Variants in VPS13A observed in about 807,000 individuals in gnomAD.
The protein encoded by VPS13A is intermembrane lipid transfer protein VPS13A.
Under a neutral mutation model 390.9 loss-of-function variants are expected in VPS13A, and 264 were observed. The ratio of observed to expected loss-of-function variants is 0.68; its 90% CI spans 0.61 to 0.75. The LOEUF (loss-of-function observed/expected upper bound fraction) is 0.75. VPS13A is among the 30% of genes least tolerant of loss of function. VPS13A has a pLI of 0.00. For synonymous variants in VPS13A, 1,231 were observed against 1,227.1 expected (o/e 1.00, Z -0.07); for missense variants, 3,409 against 3,733.9 (o/e 0.91, Z 2.27).
intron 67 of VPS13A, among the ~76,000 whole-genome samples, chr9:77,379,459 C>A (rs1204237592): frequency 6.6e-6 from 1 of 151,946 alleles, no homozygotes; most frequent in Non-Finnish European, 1.5e-5. Flanking sequence ...AGGCTGATCT[C>A]GAACTTCCGA....
At chr9:77,294,454 T>A (rs553609054) in intron 32 of VPS13A, among the ~76,000 whole-genome samples, 1 of 152,202 alleles carries the variant, frequency 6.6e-6, no homozygotes, top group East Asian at 1.9e-4. Context: ...TCTCAGTGTT[T>A]TAGTGTATGA....
At chr9:77,344,634 C>T (rs905354998) in intron 51 of VPS13A, among the ~76,000 whole-genome samples, 7 of 152,000 alleles carry the variant, frequency 4.6e-5, no homozygotes, top group Non-Finnish European at 1.0e-4. Context: ...TGGCGGGTGC[C>T]TGTAGTCCCA....
At chr9:77,310,267 C>T (rs1278409423) in intron 35 of VPS13A, among the ~76,000 whole-genome samples, 2 of 151,750 alleles carry the variant, frequency 1.3e-5, no homozygotes, top group Non-Finnish European at 2.9e-5. Flanking sequence ...TCCAAATTAT[C>T]TATGTGAATA....
chr9:77,302,938 A>T lies in VPS13A; in HGVS notation c.3836A>T (p.Tyr1279Phe). Residue 1279 changes from tyrosine (Y) to phenylalanine (F), a missense_variant, in exon 34 of 72, where the codon TAC (tyrosine) becomes TTC (phenylalanine). Physicochemically the swap from Tyr to Phe is conservative, Grantham distance 22. Transcript: ENST00000360280. ...AGATCTCGATTTATTAATGATGCAT[A>T]CCAGGAAGTACTGGATCTACTCCTG... ...LYRSRFINDA[Y>F]QEVLDLLLPL... 1 of 1,613,834 alleles carries T rather than the reference A, an allele frequency of 6.2e-7. No homozygotes were observed. Among genetic ancestry groups the T allele is most frequent in the Non-Finnish European group, 8.5e-7 (1 of 1,179,764 alleles).
chr9:77,357,892 AAACC>A (rs765452976), intron 56 of VPS13A, 54 bp downstream of exon 56: 389 of 1,523,938 alleles, frequency 2.6e-4, no homozygotes, highest in Admixed American at 4.5e-4. Context: ...ATGCAATAAG[AAACC>A]AGATCTATTC....
intron 13 of VPS13A, among the ~76,000 whole-genome samples, chr9:77,224,103 C>T (rs182845613): frequency 1.2e-3 from 185 of 152,178 alleles, no homozygotes; most frequent in Non-Finnish European, 6.8e-4. Flanking sequence ...CATTTTAAAC[C>T]CAAGCTCAGA....
At chr9:77,239,446 T>G (rs1824341857) in intron 19 of VPS13A, among the ~76,000 whole-genome samples, 1 of 151,672 alleles carries the variant, frequency 6.6e-6, no homozygotes. Context: ...CATGCAGGAG[T>G]AAATTATTTT....
intron 68 of VPS13A, among the ~76,000 whole-genome samples, chr9:77,400,702 C>T (rs1490389424): frequency 3.3e-5 from 5 of 151,512 alleles, no homozygotes; most frequent in Non-Finnish European, 7.4e-5. Context: ...GTGATGGGTG[C>T]CTGTAGTCCC....
At chr9:77,225,229 C>T (rs1183744843) in intron 13 of VPS13A, among the ~76,000 whole-genome samples, 1 of 152,096 alleles carries the variant, frequency 6.6e-6, no homozygotes, top group Non-Finnish European at 1.5e-5. Context: ...TGATAACATA[C>T]AGGCTGTACA....
chr9:77,239,845 T>A (rs1824365623), intron 19 of VPS13A, among the ~76,000 whole-genome samples: 1 of 151,994 alleles, frequency 6.6e-6, no homozygotes, highest in Non-Finnish European at 1.5e-5. Flanking sequence ...AATCTACTAT[T>A]GGGAAGTTAA....
rs144009026 is a variant in VPS13A at position 77,318,314 on chromosome 9, C to T, written c.5036C>T (p.Thr1679Met). ...YTTKETIPEE[T>M]ASSTAHLWEK... ...ACTAAGGAAACCATCCCAGAAGAAA[C>T]GGCTTCTTCTACTGCACATTTATGG... Residue 1679 changes from threonine (T) to methionine (M), a missense_variant, in exon 41 of 72, where the codon ACG becomes ATG. Physicochemically the swap from Thr to Met is moderately conservative, Grantham distance 81. Around this residue, in one of 5 missense-constraint regions of VPS13A, gnomAD observed 2,717 missense variants for 2,917.4 expected, o/e 0.93. Transcript: ENST00000360280. 8.1e-6 allele frequency: 13 copies of T among 1,610,864 alleles called. No homozygotes were observed. The highest frequency in any genetic ancestry group is 1.7e-5 in the Admixed American group (1 of 59,310).
chr9:77,280,060 G>A, intron 26 of VPS13A, 99 bp from the exon 27 acceptor site: 1 of 887,600 alleles, frequency 1.1e-6, no homozygotes, highest in South Asian at 1.5e-5. Flanking sequence ...ACTCATATAG[G>A]AAAGCCTTCT....
At chr9:77,233,575 A>G (rs897482675) in intron 17 of VPS13A, among the ~76,000 whole-genome samples, 1 of 151,622 alleles carries the variant, frequency 6.6e-6, no homozygotes, top group Admixed American at 6.6e-5. Context: ...CTTTGGATAC[A>G]TCCTGTATGT....
In VPS13A at chr9:77,321,479, C is replaced by T. The variant is rs1335076709; in HGVS notation, c.5575-12C>T. ...ACATTTCATTTTATTTAGCATAACT[C>T]TTTCTTATTAGGCATTTACAGAAGC... On this transcript the variant is annotated splice_polypyrimidine_tract_variant and intron_variant, in intron 43 of 71. Transcript: ENST00000360280. 3.7e-6 allele frequency: 6 copies of T among 1,613,022 alleles called. No individual in the cohort carries two copies. Among genetic ancestry groups the T allele is most frequent in the Non-Finnish European group, 5.1e-6 (6 of 1,179,398 alleles).
At chr9:77,341,331 A>G (rs1830795130) in intron 50 of VPS13A, among the ~76,000 whole-genome samples, 1 of 151,954 alleles carries the variant, frequency 6.6e-6, no homozygotes, top group Non-Finnish European at 1.5e-5. Flanking sequence ...AAATCTTGCA[A>G]TTGCAAAAAA....
Position 77,321,644 on chromosome 9 carries a change from A to C in VPS13A, c.5728A>C (p.Lys1910Gln). 1 of 1,613,304 alleles carries C rather than the reference A, an allele frequency of 6.2e-7. No individual in the cohort carries two copies. Among genetic ancestry groups the C allele is most frequent in the Admixed American group, 1.7e-5 (1 of 59,892 alleles). ...TCCTATGGCAAAATCATATGTATTG[A>C]AAAATGGAGAAAGTTTAAGTATGGA... The part of the protein sequence containing the change: ...NIPMAKSYVL[K>Q]NGESLSMDYI... Residue 1910 changes from lysine to glutamine, a missense_variant, in exon 44 of 72, where the codon AAA becomes CAA. This residue lies in a region of VPS13A where 2,717 missense variants were observed against 2,917.4 expected (regional missense o/e 0.93). Transcript: ENST00000360280.
intron 71 of VPS13A, among the ~76,000 whole-genome samples, chr9:77,409,239 CTGTT>C (rs556897239): frequency 2.0e-5 from 3 of 152,216 alleles, no homozygotes; most frequent in Non-Finnish European, 2.9e-5. Flanking sequence ...AGGGTCCTGA[CTGTT>C]TGTTAGAAGG....
At chr9:77,187,978 C>G (rs1403077427) in intron 1 of VPS13A, among the ~76,000 whole-genome samples, 1 of 152,090 alleles carries the variant, frequency 6.6e-6, no homozygotes, top group Non-Finnish European at 1.5e-5. Flanking sequence ...ATTGTAATCC[C>G]CATTGTTGGA....
chr9:77,228,662 G>A (rs1213900079), intron 17 of VPS13A, among the ~76,000 whole-genome samples: 3 of 151,904 alleles, frequency 2.0e-5, no homozygotes, highest in Non-Finnish European at 2.9e-5. Flanking sequence ...ATTTCACATT[G>A]GTATATTTAC....
Sources: gnomAD v4.1 joint callset for allele counts (sites outside exome capture counted in the v4.1 genomes callset) on GRCh38, gnomAD v4.1.1 for gene constraint, gnomAD v4.1.1 regional missense constraint, MANE v1.5 for transcripts, NCBI Gene and HGNC (gene_info 2026-07-23, HGNC 2026-07-21) for gene names.